The following ALDH1L2 variants were observed in gnomAD, a reference collection of about 807,000 sequenced individuals.
The protein encoded by ALDH1L2 is aldehyde dehydrogenase 1 family member L2.
In ALDH1L2, 91 loss-of-function variants were observed where a neutral mutation model predicts 111.0. That is an observed-to-expected ratio of 0.82 (90% CI 0.69 to 0.98). The LOEUF (loss-of-function observed/expected upper bound fraction) is 0.98, where lower values mean the gene tolerates loss of function less well. Ranked by LOEUF, ALDH1L2 falls within the 50% of genes least tolerant of loss-of-function variation. The pLI, the probability that ALDH1L2 is intolerant of heterozygous loss-of-function variation, is 0.00. For synonymous variants in ALDH1L2, 374 were observed against 392.6 expected, an observed-to-expected ratio of 0.95 and a Z score of 0.56; for missense variants, 995 against 1,126.8, an observed-to-expected ratio of 0.88 and a Z score of 1.67.
At chr12:105,050,340 T>G (rs981132119) in intron 12 of ALDH1L2, 1 of 221,316 alleles carries the variant, frequency 4.5e-6, no homozygotes, top group Non-Finnish European at 8.8e-6. Context: ...CCAGTACCAG[T>G]CATTGGAACC....
intron 18 of ALDH1L2, 23 bp downstream of exon 18, chr12:105,038,080 A>G: frequency 1.9e-6 from 3 of 1,599,804 alleles, no homozygotes; most frequent in Non-Finnish European, 2.6e-6. Flanking sequence ...GCACCTATTT[A>G]CTTAAATTTG....
At chr12:105,043,332 G>A (rs1240819099) in intron 15 of ALDH1L2, among the ~76,000 whole-genome samples, 1 of 152,182 alleles carries the variant, frequency 6.6e-6, no homozygotes, top group African/African-American at 2.4e-5. Flanking sequence ...AATGTGCATA[G>A]AAACTGCACA....
At position 105,046,923 on chromosome 12, in the gene ALDH1L2, G is replaced by A; in HGVS notation, c.1733C>T (p.Thr578Ile). The A allele has an allele frequency of 4.3e-6, 7 of 1,614,122 alleles. No homozygotes were observed. The highest frequency in any genetic ancestry group is 1.6e-4 in the Middle Eastern group (1 of 6,062). The change falls in exon 14 of 23, where the codon ACC becomes ATC. Residue 578 changes from threonine to isoleucine, a missense_variant. Coordinates refer to ENST00000258494, the MANE Select transcript of ALDH1L2 (RefSeq NM_001034173.4). ...INQARPNRNL[T>I]FTKKEPLGVC... ...CCCGAGTGGCTCTTTCTTGGTGAAG[G>A]TCAGATTGCGATTTGGACGGGCCTG...
chr12:105,061,852 C>A, intron 7 of ALDH1L2, 100 bp from the exon 8 acceptor site: 1 of 1,393,826 alleles, frequency 7.2e-7, no homozygotes, highest in African/African-American at 1.4e-5. Context: ...CATATAAGGG[C>A]AAGTTTATTT....
intron 1 of ALDH1L2, among the ~76,000 whole-genome samples, chr12:105,075,566 C>A (rs565179091): frequency 6.6e-6 from 1 of 152,162 alleles, no homozygotes; most frequent in Non-Finnish European, 1.5e-5. Context: ...GCCTGGGCAA[C>A]AAGAGTGAAA....
chr12:105,027,077 G>A (rs1201680738), intron 21 of ALDH1L2, among the ~76,000 whole-genome samples: 1 of 152,170 alleles, frequency 6.6e-6, no homozygotes, highest in Non-Finnish European at 1.5e-5. Flanking sequence ...ATCTCCCTGT[G>A]TTGCCCAGGC....
chr12:105,043,765 AT>A (rs1875678489), intron 15 of ALDH1L2, among the ~76,000 whole-genome samples: 1 of 152,100 alleles, frequency 6.6e-6, no homozygotes, highest in Admixed American at 6.5e-5. Flanking sequence ...TCCCTGCAGG[AT>A]TATAGGTTTG....
At chr12:105,070,439 A>G in intron 3 of ALDH1L2, 131 bp downstream of exon 3, 1 of 746,922 alleles carries the variant, frequency 1.3e-6, no homozygotes. Context: ...GTGTTCTGGC[A>G]CAATCCTGAA....
At chr12:105,051,824 G>A (rs778601094) in intron 12 of ALDH1L2, among the ~76,000 whole-genome samples, 25 of 143,350 alleles carry the variant, frequency 1.7e-4, no homozygotes, top group Non-Finnish European at 3.8e-4. Context: ...TTGCTTTCTA[G>A]CACAGGCTGG....
chr12:105,056,329 G>A (rs1406460688), intron 10 of ALDH1L2, among the ~76,000 whole-genome samples: 1 of 152,044 alleles, frequency 6.6e-6, no homozygotes. Flanking sequence ...AGAAATGAAG[G>A]AGAAATTAAA....
At chr12:105,061,480 A>G in intron 8 of ALDH1L2, 147 bp downstream of exon 8, 1 of 1,215,108 alleles carries the variant, frequency 8.2e-7, no homozygotes, top group African/African-American at 1.5e-5. Flanking sequence ...AAGCATATGA[A>G]TTTGGAGGTT....
chr12:105,048,505 T>C (rs909651717), intron 13 of ALDH1L2: 1 of 152,144 alleles, frequency 6.6e-6, no homozygotes, highest in African/African-American at 2.4e-5. Context: ...ACTTCCTTCT[T>C]TTTGCTGCTG....
At chr12:105,059,267 AAATAATAATAATAATAATAATAAT>A (rs56329502) in intron 9 of ALDH1L2, among the ~76,000 whole-genome samples, 38,256 of 138,262 alleles carry the variant, frequency 0.28, 6,488 homozygotes, top group Middle Eastern at 0.43. Flanking sequence ...CTCTGTCTCA[AAATAATAATAATAATAATAATAAT>A]AATAATAATA....
chr12:105,081,269 TTTAG>T (rs772939192), intron 1 of ALDH1L2, among the ~76,000 whole-genome samples: 6 of 152,208 alleles, frequency 3.9e-5, no homozygotes, highest in Non-Finnish European at 5.9e-5. Context: ...ATCCTCAGGA[TTTAG>T]AGTCCTCAGT....
chr12:105,032,473 A>AG (rs1163305747), intron 19 of ALDH1L2, among the ~76,000 whole-genome samples: 2 of 152,048 alleles, frequency 1.3e-5, no homozygotes, highest in African/African-American at 4.8e-5. Flanking sequence ...TCCTGACCTC[A>AG]GGCAATCCAC....
rs1005725717 is a variant in ALDH1L2, at chr12:105,061,250, A to G, written c.1048-178T>C. 2.0e-5 allele frequency among the ~76,000 whole-genome samples: 3 copies of G among 152,158 alleles called. No individual in the cohort carries two copies. The South Asian group carries it at 6.2e-4, about 32-fold the overall frequency. ...GATGCAACCAATGAACAGGAGTGGA[A>G]GTGACCTGCACCACCCCAGTCCTAG... is the stretch of plus-strand genomic sequence containing the variant. On this transcript the variant is annotated intron_variant, in intron 8 of 22. Transcript: ENST00000258494.
intron 18 of ALDH1L2, 135 bp from the exon 19 acceptor site, chr12:105,034,533 C>A (rs1343012078): frequency 5.4e-5 from 37 of 685,776 alleles, no homozygotes; most frequent in Non-Finnish European, 8.7e-5. Context: ...ATCCTCTTGG[C>A]CTTGTTAGTG....
Position 105,034,388 on chromosome 12 carries a change from G to T in ALDH1L2, c.2156C>A (p.Ala719Glu), listed in dbSNP as rs1386285872. The T allele has an allele frequency of 4.3e-6, 7 of 1,610,674 alleles. No individual in the cohort carries two copies. The highest frequency in any genetic ancestry group is 5.9e-6 in the Non-Finnish European group (7 of 1,179,126). ...LDKAVRMGMG[A>E]VFFNKGENCI... is the part of the protein sequence containing the mutation. ...GTTCTCTCCTTTGTTGAAAAATACT[G>T]CTCCCATGCCCTTCAGTGGGAGAAG... Residue 719 changes from alanine (A) to glutamate (E), a missense_variant, in exon 19 of 23, where the codon GCA (alanine) becomes GAA (glutamate). By Grantham distance (107) the Ala-to-Glu change is moderately radical. Transcript: ENST00000258494.
intron 1 of ALDH1L2, among the ~76,000 whole-genome samples, chr12:105,078,163 T>C (rs1878162205): frequency 6.6e-6 from 1 of 152,228 alleles, no homozygotes; most frequent in South Asian, 2.1e-4. Context: ...TTAAGATTTT[T>C]AGGAGGTTGC....
Sources: allele counts gnomAD v4.1 joint callset (sites outside exome capture counted in the v4.1 genomes callset), GRCh38; gene constraint gnomAD v4.1.1; transcripts MANE v1.5; gene names NCBI Gene and HGNC (gene_info 2026-07-23, HGNC 2026-07-21).